The following CCNH variants were observed in gnomAD, a reference collection of about 807,000 sequenced individuals.
CCNH encodes the protein cyclin-H.
Under a neutral mutation model 41.9 loss-of-function variants are expected in CCNH, and 31 were observed. The ratio of observed to expected loss-of-function variants is 0.74; its 90% CI spans 0.56 to 1.00. The LOEUF (loss-of-function observed/expected upper bound fraction) is 1.00. CCNH is among the 50% of genes least tolerant of loss of function. The probability of loss-of-function intolerance (pLI) is 0.00; values close to 1 mark genes in which losing one functional copy is unlikely to be tolerated. For synonymous variants in CCNH, 138 were observed against 136.1 expected, an observed-to-expected ratio of 1.01 and a Z score of -0.10; for missense variants, 362 against 388.4, an observed-to-expected ratio of 0.93 and a Z score of 0.57.
intron 9 of CCNH, among the ~76,000 whole-genome samples, chr5:87,342,262 C>T (rs567712741): frequency 2.6e-5 from 4 of 151,484 alleles, no homozygotes; most frequent in African/African-American, 9.7e-5. Context: ...TGGATTCAAA[C>T]GATTCTCTGC....
In CCNH at chr5:87,407,967, C is replaced by G; in HGVS notation, c.525+9G>C. ...AATGTAGTATTAGTTTATTTTACATCAAGTTTACCTTTAAGTCGATGAGGA... is the reference window on the plus strand; with the variant it reads ...AATGTAGTATTAGTTTATTTTACATGAAGTTTACCTTTAAGTCGATGAGGA... On this transcript the variant is annotated intron_variant, in intron 4 of 8. Transcript: ENST00000256897. The G allele has an allele frequency of 6.3e-7, 1 of 1,588,470 alleles. No individual in the cohort carries two copies.
intron 9 of CCNH, chr5:87,385,332 GATA>G: frequency 6.2e-7 from 1 of 1,611,588 alleles, no homozygotes; most frequent in East Asian, 2.2e-5. Flanking sequence ...CAAGAACACT[GATA>G]TTAGTGGCTA....
chr5:87,387,371 A>G (rs964989537), downstream of CCNH, among the ~76,000 whole-genome samples: 3 of 152,182 alleles, frequency 2.0e-5, no homozygotes, highest in Admixed American at 2.0e-4. Flanking sequence ...CAGTGTGAAT[A>G]TCTGTGCCTC....
chr5:87,390,997 T>C, downstream of CCNH: 3 of 1,058,328 alleles, frequency 2.8e-6, no homozygotes. Flanking sequence ...CACATTCCAG[T>C]GATGTGTGAG....
intron 9 of CCNH, among the ~76,000 whole-genome samples, chr5:87,345,750 T>C (rs1758814809): frequency 6.6e-6 from 1 of 152,184 alleles, no homozygotes; most frequent in African/African-American, 2.4e-5. Context: ...CACTGGACTT[T>C]TGAGCACTTA....
Position 87,399,451 on chromosome 5 carries a change from A to T in CCNH, c.815T>A (p.Val272Asp), listed in dbSNP as rs1763230612. ...YEPPRSEEVA[V>D]LKQKLERCHS... ...ACATCGCTCCAACTTCTGTTTCAGA[A>T]CAGCAACTTCTTCAGATCTGGGTGG... Residue 272 changes from valine (V) to aspartate (D), a missense_variant, in exon 7 of 9, where the codon GTT becomes GAT. By Grantham distance (152) the Val-to-Asp change is radical (BLOSUM62 -3). Transcript: ENST00000256897. The T allele has an allele frequency of 1.2e-6, 2 of 1,614,016 alleles. No individual in the cohort carries two copies. The highest frequency in any genetic ancestry group is 1.1e-5 in the South Asian group (1 of 91,074).
intron 9 of CCNH, among the ~76,000 whole-genome samples, chr5:87,325,998 GTCTC>G (rs1281293792): frequency 6.6e-6 from 1 of 151,966 alleles, no homozygotes; most frequent in South Asian, 2.1e-4. Context: ...CTGTGACAGG[GTCTC>G]TCTCTGTTGC....
chr5:87,388,410 CTA>C (rs1369871352), downstream of CCNH, among the ~76,000 whole-genome samples: 3 of 152,094 alleles, frequency 2.0e-5, no homozygotes, highest in African/African-American at 7.2e-5. Context: ...TTGAGTATCC[CTA>C]ATCTGAAATC....
intron 5 of CCNH, 111 bp from the exon 6 acceptor site, chr5:87,401,883 A>G: frequency 1.8e-6 from 1 of 571,122 alleles, no homozygotes; most frequent in South Asian, 2.9e-5. Flanking sequence ...AAAAATTTTT[A>G]AATTTATGAA....
chr5:87,363,574 C>T (rs1760274603), intron 9 of CCNH: 2 of 1,514,498 alleles, frequency 1.3e-6, no homozygotes, highest in African/African-American at 2.8e-5. Context: ...CAAAGCAAAC[C>T]AATTTTGAGA....
chr5:87,386,746 G>GT, downstream of CCNH: 1 of 1,263,440 alleles, frequency 7.9e-7, no homozygotes, highest in South Asian at 1.2e-5. Context: ...GCTGTTAACT[G>GT]TAATTACTTT....
chr5:87,408,192 G>A lies in CCNH; in HGVS notation c.315-6C>T. The stretch of plus-strand genomic sequence containing the variant: ...CCAAAAATGCACAAGTGAGCCTAGA[G>A]GAAAAAATAAGGAGGCAGGAGGCAG... On this transcript the variant is annotated splice_region_variant and splice_polypyrimidine_tract_variant and intron_variant, in intron 3 of 8. Coordinates refer to ENST00000256897, the MANE Select transcript of CCNH (RefSeq NM_001239.4). 1 of 1,530,978 alleles carries A rather than the reference G, an allele frequency of 6.5e-7. No homozygotes were observed. 94.8% of individuals were successfully genotyped at this position (1,530,978 alleles called of 1,614,324 possible).
chr5:87,362,060 G>A (rs1395844657), intron 9 of CCNH, among the ~76,000 whole-genome samples: 1 of 152,092 alleles, frequency 6.6e-6, no homozygotes, highest in African/African-American at 2.4e-5. Context: ...GGAACTGTTA[G>A]GTATTTGAAG....
chr5:87,374,940 A>G (rs1478341867), downstream of CCNH: 8 of 1,594,352 alleles, frequency 5.0e-6, no homozygotes, highest in Non-Finnish European at 6.8e-6. Context: ...GAAACTTTCT[A>G]AAATAGAAAA....
chr5:87,409,965 G>A (rs938730933), intron 2 of CCNH, among the ~76,000 whole-genome samples: 2 of 152,114 alleles, frequency 1.3e-5, no homozygotes, highest in African/African-American at 4.8e-5. Context: ...CAACAGCTTG[G>A]TGAAGTATTA....
downstream of CCNH, among the ~76,000 whole-genome samples, chr5:87,317,614 A>G (rs2112323763): frequency 6.6e-6 from 1 of 151,628 alleles, no homozygotes; most frequent in South Asian, 2.1e-4. Flanking sequence ...TTTCCCTAAT[A>G]AGACTGTTTT....
At chr5:87,355,264 A>G (rs1054315848) in intron 9 of CCNH, among the ~76,000 whole-genome samples, 5 of 152,176 alleles carry the variant, frequency 3.3e-5, no homozygotes, top group Non-Finnish European at 7.4e-5. Flanking sequence ...TCGAAGCTTC[A>G]AAGGTCAGGC....
At chr5:87,354,665 C>T (rs1759522514) in intron 9 of CCNH, among the ~76,000 whole-genome samples, 1 of 152,118 alleles carries the variant, frequency 6.6e-6, no homozygotes, top group Non-Finnish European at 1.5e-5. Context: ...AGTCACATGT[C>T]TCTCACATTA....
At chr5:87,388,909 G>A (rs1303800745), downstream of CCNH, among the ~76,000 whole-genome samples, 1 of 152,002 alleles carries the variant, frequency 6.6e-6, no homozygotes, top group Non-Finnish European at 1.5e-5. Flanking sequence ...AAAGCTAATT[G>A]TTAGGAAGCC....
Sources: gnomAD v4.1 joint callset for allele counts (sites outside exome capture counted in the v4.1 genomes callset) on GRCh38, gnomAD v4.1.1 for gene constraint, MANE v1.5 for transcripts, NCBI Gene and HGNC (gene_info 2026-07-23, HGNC 2026-07-21) for gene names.